Variants in ZW10 observed in about 807,000 individuals in gnomAD.
ZW10 encodes zw10 kinetochore protein, also known as centromere/kinetochore protein zw10 homolog.
Under a neutral mutation model 87.8 loss-of-function variants are expected in ZW10, and 53 were observed. The ratio of observed to expected loss-of-function variants is 0.60; its 90% CI spans 0.48 to 0.76. The LOEUF (loss-of-function observed/expected upper bound fraction) is 0.76, where lower values mean the gene tolerates loss of function less well. Among genes scored for constraint, ZW10 ranks in the 30% least tolerant of loss-of-function variants. The probability of loss-of-function intolerance (pLI) is 0.00; values close to 1 mark genes in which losing one functional copy is unlikely to be tolerated. For missense variants in ZW10, 837 were observed against 923.0 expected (o/e 0.91, Z 1.21); for synonymous variants, 312 against 329.2 (o/e 0.95, Z 0.57).
intron 2 of ZW10, among the ~76,000 whole-genome samples, chr11:113,768,146 T>C (rs1953926722): frequency 6.6e-6 from 1 of 152,236 alleles, no homozygotes; most frequent in Non-Finnish European, 1.5e-5. Context: ...AATGCCTGAA[T>C]AAACTTCTAA....
intron 2 of ZW10, among the ~76,000 whole-genome samples, chr11:113,764,691 T>C (rs76309874): frequency 6.6e-5 from 10 of 152,346 alleles, no homozygotes; most frequent in African/African-American, 2.2e-4. Flanking sequence ...CAATAGGTGA[T>C]AGGAACTTTT....
intron 1 of ZW10, among the ~76,000 whole-genome samples, chr11:113,772,995 T>C (rs763186430): frequency 2.0e-5 from 3 of 148,594 alleles, no homozygotes; most frequent in Admixed American, 6.7e-5. Flanking sequence ...GATAGATACA[T>C]AAAAATAAAA....
rs1393630406 is a variant in ZW10 at position 113,760,734 on chromosome 11, A to G, written c.342+83T>C. 5 of 1,336,114 alleles carry G rather than the reference A, an allele frequency of 3.7e-6. No individual in the cohort carries two copies. In the East Asian group the frequency reaches 9.4e-5, roughly 25 times the overall value. The allele number at this position is 1,336,114 out of a possible 1,614,324, so 82.8% of individuals were successfully genotyped here. A position where few individuals can be genotyped will look rare whatever the true frequency, so the allele number is the denominator to read the frequency against. ...GAAAAAAAAATATGAAGACAAAAAA[A>G]CCCATTATAGTCAGGAGATAGCCAT... is the stretch of plus-strand genomic sequence containing the variant. On this transcript the variant is annotated intron_variant, in intron 3 of 15. Coordinates refer to ENST00000200135, the MANE Select transcript of ZW10 (RefSeq NM_004724.4).
chr11:113,736,209 A>G (rs1476839670), intron 15 of ZW10, among the ~76,000 whole-genome samples: 1 of 152,016 alleles, frequency 6.6e-6, no homozygotes, highest in Non-Finnish European at 1.5e-5. Flanking sequence ...CACGAGTTTG[A>G]GGCTGCAGTG....
At chr11:113,769,898 G>A (rs1953946187) in intron 1 of ZW10, 2 of 316,794 alleles carry the variant, frequency 6.3e-6, no homozygotes. Context: ...CTGAAATGAG[G>A]CTTCCCTGAC....
At position 113,733,754 on chromosome 11, in the gene ZW10, TA is replaced by T; in HGVS notation, c.2279del (p.Leu760Ter). 6.2e-7 allele frequency: 1 copy of T among 1,614,078 alleles called. No homozygotes were observed. The highest frequency in any genetic ancestry group is 8.5e-7 in the Non-Finnish European group (1 of 1,179,992). On this transcript the variant is annotated frameshift_variant, in exon 16 of 16. Transcript: ENST00000200135. LOFTEE classifies it high-confidence loss of function. The part of the protein sequence containing the change: ...AAFSSSEVKA[L>X]IRALFQNTER... ...CTGTGTTCTGAAACAAGGCACGAAT[TA>T]AAGCTTTTACTTCACTGGAAGAGAA... is the stretch of plus-strand genomic sequence containing the variant.
intron 14 of ZW10, among the ~76,000 whole-genome samples, chr11:113,737,257 A>T (rs982608966): frequency 2.0e-5 from 3 of 152,208 alleles, no homozygotes; most frequent in African/African-American, 7.2e-5. Flanking sequence ...TCACTTTACT[A>T]AATCAAATTA....
intron 9 of ZW10, among the ~76,000 whole-genome samples, chr11:113,745,213 C>T (rs1953666343): frequency 6.6e-6 from 1 of 151,902 alleles, no homozygotes; most frequent in East Asian, 1.9e-4. Context: ...GTCATTTAAC[C>T]TCTCTGGATC....
chr11:113,758,108 G>A (rs1953813165), intron 6 of ZW10, among the ~76,000 whole-genome samples: 1 of 152,084 alleles, frequency 6.6e-6, no homozygotes, highest in South Asian at 2.1e-4. Context: ...AGGAGGCAGA[G>A]GTTGCAGTAA....
In ZW10 at chr11:113,744,057, A is replaced by G. The variant is rs1333055602; in HGVS notation, c.1273-17T>C. 6.5e-7 allele frequency: 1 copy of G among 1,550,384 alleles called. No individual in the cohort carries two copies. Among genetic ancestry groups the G allele is most frequent in the Admixed American group, 1.7e-5 (1 of 59,342 alleles). ...AGGAATAATCTAAGATTCAAACACA[A>G]AAATACAGAAAATATATTGTTTTCA... On this transcript the variant is annotated splice_polypyrimidine_tract_variant and intron_variant, in intron 9 of 15. Coordinates refer to ENST00000200135, the MANE Select transcript of ZW10 (RefSeq NM_004724.4).
chr11:113,763,798 A>T (rs893185572), intron 2 of ZW10, among the ~76,000 whole-genome samples: 2 of 152,170 alleles, frequency 1.3e-5, no homozygotes, highest in African/African-American at 4.8e-5. Context: ...ATTTTCTCCC[A>T]TTCTGTAGAT....
intron 6 of ZW10, 34 bp from the exon 7 acceptor site, chr11:113,757,887 A>G (rs776218725): frequency 1.3e-5 from 20 of 1,535,006 alleles, no homozygotes; most frequent in Non-Finnish European, 1.7e-5. Flanking sequence ...TCAAAAAATC[A>G]CCATAAGACA....
intron 14 of ZW10, 89 bp downstream of exon 14, chr11:113,737,483 C>A: frequency 2.5e-5 from 31 of 1,259,740 alleles, no homozygotes; most frequent in Middle Eastern, 2.1e-4. Flanking sequence ...GAAACATGAA[C>A]AATTTCTTCA....
chr11:113,742,170 GA>G (rs989076278), intron 10 of ZW10, among the ~76,000 whole-genome samples: 1 of 152,204 alleles, frequency 6.6e-6, no homozygotes, highest in Non-Finnish European at 1.5e-5. Context: ...GGTTCTTTTA[GA>G]ATCAGTCTGA....
chr11:113,767,952 T>C (rs1042543113), intron 2 of ZW10, among the ~76,000 whole-genome samples: 17 of 152,224 alleles, frequency 1.1e-4, no homozygotes, highest in Admixed American at 1.3e-4. Flanking sequence ...CCGTCTTGGT[T>C]TGGATGCCAT....
intron 2 of ZW10, among the ~76,000 whole-genome samples, chr11:113,763,023 C>T (rs572857068): frequency 3.9e-5 from 6 of 152,268 alleles, no homozygotes; most frequent in South Asian, 2.1e-4. Flanking sequence ...CCTCACCCCT[C>T]GTCCCCCACC....
At chr11:113,766,515 T>C (rs1054050692) in intron 2 of ZW10, among the ~76,000 whole-genome samples, 16 of 148,718 alleles carry the variant, frequency 1.1e-4, no homozygotes, top group African/African-American at 4.0e-4. Flanking sequence ...CTAAAAAATA[T>C]TTTTAAAAAT....
chr11:113,733,917 G>A, intron 15 of ZW10, 103 bp from the exon 16 acceptor site: 1 of 1,353,416 alleles, frequency 7.4e-7, no homozygotes, highest in Non-Finnish European at 1.0e-6. Context: ...GCTTGAAATG[G>A]AAATAAAACA....
At position 113,739,370 on chromosome 11, in the gene ZW10, T is replaced by C. The variant is rs1565279530; in HGVS notation, c.1596A>G (p.Gln532=). 1 of 1,605,502 alleles carries C rather than the reference T, an allele frequency of 6.2e-7. No homozygotes were observed. Among genetic ancestry groups the C allele is most frequent in the African/African-American group, 1.3e-5 (1 of 74,572 alleles). The change falls in exon 12 of 16, where the codon CAA becomes CAG. Residue 532 remains glutamine (Q), a synonymous_variant. Coordinates refer to ENST00000200135, the MANE Select transcript of ZW10 (RefSeq NM_004724.4). ...GAATAGCAGCCAACTGGGGAAGTTT[T>C]TGAAGGTTCTCCCTAGGCCAGAAGG... ...VVPTYHKENL[Q]KLPQLAAIHH...
Sources: gnomAD v4.1 joint callset for allele counts (sites outside exome capture counted in the v4.1 genomes callset) on GRCh38, gnomAD v4.1.1 for gene constraint, MANE v1.5 for transcripts, NCBI Gene and HGNC (gene_info 2026-07-23, HGNC 2026-07-21) for gene names.